SLC16A7: variants seen among roughly 807,000 people sequenced by gnomAD.
SLC16A7 encodes the protein solute carrier family 16 member 7.
In SLC16A7, 33 loss-of-function variants were observed where a neutral mutation model predicts 34.9. That is an observed-to-expected ratio of 0.94 (90% CI 0.72 to 1.26). The LOEUF (loss-of-function observed/expected upper bound fraction) is 1.26. SLC16A7 is among the 50% of genes most tolerant of loss of function. The probability of loss-of-function intolerance (pLI) is 0.00; values close to 1 mark genes in which losing one functional copy is unlikely to be tolerated. For missense variants in SLC16A7, 573 were observed against 578.1 expected (o/e 0.99, Z 0.09); for synonymous variants, 201 against 206.6 (o/e 0.97, Z 0.23).
intron 2 of SLC16A7, among the ~76,000 whole-genome samples, chr12:59,698,532 G>T (rs945874098): frequency 6.6e-6 from 1 of 151,762 alleles, no homozygotes; most frequent in Non-Finnish European, 1.5e-5. Flanking sequence ...CAGAGTCATG[G>T]CCTATGCCTA....
At chr12:59,690,827 G>A (rs950880168) in intron 2 of SLC16A7, among the ~76,000 whole-genome samples, 5 of 151,984 alleles carry the variant, frequency 3.3e-5, no homozygotes, top group African/African-American at 1.2e-4. Context: ...ATTTTGGGGT[G>A]GCATATTCCG....
chr12:59,769,968 C>A (rs1004138639), intron 3 of SLC16A7, among the ~76,000 whole-genome samples: 1 of 151,630 alleles, frequency 6.6e-6, no homozygotes, highest in Non-Finnish European at 1.5e-5. Flanking sequence ...TTGACAAGTC[C>A]CATAAAGTAC....
At chr12:59,753,739 C>T (rs1214433174) in intron 3 of SLC16A7, among the ~76,000 whole-genome samples, 1 of 152,164 alleles carries the variant, frequency 6.6e-6, no homozygotes, top group Non-Finnish European at 1.5e-5. Context: ...TTGAACTCAG[C>T]TCTGCAACAA....
intron 3 of SLC16A7, among the ~76,000 whole-genome samples, chr12:59,706,796 A>G (rs1873637740): frequency 6.6e-6 from 1 of 152,158 alleles, no homozygotes; most frequent in Non-Finnish European, 1.5e-5. Context: ...CAATTGAAAC[A>G]GTCTCTTCTA....
At chr12:59,690,453 C>T (rs1871518764) in intron 2 of SLC16A7, among the ~76,000 whole-genome samples, 2 of 151,880 alleles carry the variant, frequency 1.3e-5, no homozygotes, top group Admixed American at 6.6e-5. Flanking sequence ...GTGAGATACC[C>T]AGAAAAATGA....
rs77215650 is a variant in SLC16A7 at position 59,623,400 on chromosome 12, T to A, written c.-130+27164T>A. Among the ~76,000 whole-genome samples the A allele has an allele frequency of 3.4e-3, 511 of 151,900 alleles. 6 individuals carry two copies. The highest frequency in any genetic ancestry group is 0.012 in the African/African-American group (493 of 41,516). On this transcript the variant is annotated intron_variant, in intron 1 of 5. Coordinates refer to ENST00000547379, the MANE Select transcript of SLC16A7 (RefSeq NM_001270623.2). ...AATTTGGGGAGAATTGGCATTTTTA[T>A]GGTATTGAAGCTTTCAATTCATGAG... is the stretch of plus-strand genomic sequence containing the variant.
Position 59,720,095 on chromosome 12 carries a change from A to T in SLC16A7, c.217+15077A>T, listed in dbSNP as rs1040394301. 3 of 700,320 alleles carry T rather than the reference A, an allele frequency of 4.3e-6. No homozygotes were observed. In the African/African-American group the frequency reaches 5.3e-5, roughly 12 times the overall value. 43.4% of individuals were successfully genotyped at this position (700,320 alleles called of 1,614,324 possible). ...ATTCTTCAGGTTGGTATCATATGCAATAGCTGTATATTCCATCAGTTGATT... is the reference window on the plus strand; with the variant it reads ...ATTCTTCAGGTTGGTATCATATGCATTAGCTGTATATTCCATCAGTTGATT... On this transcript the variant is annotated intron_variant, in intron 3 of 5. Coordinates refer to ENST00000547379, the MANE Select transcript of SLC16A7 (RefSeq NM_001270623.2).
At chr12:59,732,598 T>A (rs933976574) in intron 3 of SLC16A7, among the ~76,000 whole-genome samples, 4 of 152,218 alleles carry the variant, frequency 2.6e-5, no homozygotes, top group African/African-American at 9.6e-5. Context: ...TTCACACTTT[T>A]GCCTTTCTCA....
At chr12:59,651,837 G>A (rs1452667676) in intron 1 of SLC16A7, among the ~76,000 whole-genome samples, 2 of 152,084 alleles carry the variant, frequency 1.3e-5, no homozygotes, top group African/African-American at 4.8e-5. Context: ...TGCTTTCTGG[G>A]CTTGAGGAAG....
In SLC16A7 at chr12:59,783,528, C is replaced by T. The variant is rs1193997296; in HGVS notation, c.*3849C>T. 6.6e-6 allele frequency: 1 copy of T among 151,786 alleles called. No homozygotes were observed. Among genetic ancestry groups the T allele is most frequent in the Admixed American group, 6.6e-5 (1 of 15,226 alleles). 9.4% of individuals were successfully genotyped at this position (151,786 alleles called of 1,614,324 possible). ...AGCAAAGGAAGATAAAATATAGGTA[C>T]AAAAAAGATACATCCTATATAGTAA... is the stretch of plus-strand genomic sequence containing the variant. On this transcript the variant is annotated 3_prime_UTR_variant, in exon 6 of 6. Coordinates refer to ENST00000547379, the MANE Select transcript of SLC16A7 (RefSeq NM_001270623.2).
At chr12:59,738,645 C>A (rs1322960621) in intron 3 of SLC16A7, among the ~76,000 whole-genome samples, 3 of 152,080 alleles carry the variant, frequency 2.0e-5, no homozygotes, top group African/African-American at 7.2e-5. Flanking sequence ...GGGTTTATGG[C>A]AGGGAATAGT....
intron 3 of SLC16A7, among the ~76,000 whole-genome samples, chr12:59,769,551 G>A (rs982349038): frequency 6.6e-6 from 1 of 151,898 alleles, no homozygotes; most frequent in South Asian, 2.1e-4. Flanking sequence ...TATTATAAAT[G>A]CAAACTTTTG....
chr12:59,753,244 C>T (rs1318921185), intron 3 of SLC16A7, among the ~76,000 whole-genome samples: 1 of 152,162 alleles, frequency 6.6e-6, no homozygotes, highest in Admixed American at 6.5e-5. Flanking sequence ...GGATCAAATT[C>T]ACACATAACA....
intron 1 of SLC16A7, among the ~76,000 whole-genome samples, chr12:59,648,635 G>T (rs1039835801): frequency 2.0e-5 from 3 of 152,082 alleles, no homozygotes; most frequent in Non-Finnish European, 2.9e-5. Context: ...GGCTAAAAAG[G>T]GCTCATAGTT....
At chr12:59,693,127 A>C (rs193014518) in intron 2 of SLC16A7, among the ~76,000 whole-genome samples, 17 of 152,112 alleles carry the variant, frequency 1.1e-4, no homozygotes, top group African/African-American at 4.1e-4. Context: ...GGATGTAGAG[A>C]AAAACTCATG....
At chr12:59,632,412 T>C (rs1164056604) in intron 1 of SLC16A7, among the ~76,000 whole-genome samples, 1 of 151,948 alleles carries the variant, frequency 6.6e-6, no homozygotes, top group Non-Finnish European at 1.5e-5. Context: ...ATAATTCCTT[T>C]TATGGGGGAG....
At chr12:59,635,185 A>T (rs1346006220) in intron 1 of SLC16A7, among the ~76,000 whole-genome samples, 1 of 152,074 alleles carries the variant, frequency 6.6e-6, no homozygotes, top group South Asian at 2.1e-4. Context: ...AATTCTCATT[A>T]CATGCTGCTG....
intron 1 of SLC16A7, among the ~76,000 whole-genome samples, chr12:59,631,093 G>T (rs1440186578): frequency 6.6e-6 from 1 of 151,912 alleles, no homozygotes. Flanking sequence ...TGATGGAAAT[G>T]TGCTTTCAAG....
intron 3 of SLC16A7, among the ~76,000 whole-genome samples, chr12:59,714,408 G>A (rs1260377801): frequency 6.6e-5 from 10 of 152,214 alleles, no homozygotes; most frequent in African/African-American, 2.4e-4. Flanking sequence ...TCTCACAGCT[G>A]TGGAGGCAGG....
Sources: allele counts gnomAD v4.1 joint callset (sites outside exome capture counted in the v4.1 genomes callset), GRCh38; gene constraint gnomAD v4.1.1; transcripts MANE v1.5; gene names NCBI Gene and HGNC (gene_info 2026-07-23, HGNC 2026-07-21).